PHACTR1: variants seen among roughly 807,000 people sequenced by gnomAD.
PHACTR1 encodes the protein RPEL repeat containing 1.
Under a neutral mutation model 69.2 loss-of-function variants are expected in PHACTR1, and 16 were observed. The ratio of observed to expected loss-of-function variants is 0.23; its 90% confidence interval spans 0.16 to 0.35. PHACTR1 has a LOEUF of 0.35. PHACTR1 is among the 10% of genes least tolerant of loss of function. The pLI is 1.00. For missense variants in PHACTR1, 510 were observed against 734.7 expected (o/e 0.69, Z 3.54); for synonymous variants, 312 against 284.5 (o/e 1.10, Z -0.97).
chr6:13,181,571 C>T (rs748023651), intron 6 of PHACTR1, among the ~76,000 whole-genome samples: 18 of 152,188 alleles, frequency 1.2e-4, no homozygotes, highest in Non-Finnish European at 1.6e-4. Context: ...TGTATGGGAG[C>T]CTTTGATCCT....
At chr6:12,844,254 G>A (rs1204550754) in intron 4 of PHACTR1, among the ~76,000 whole-genome samples, 2 of 151,938 alleles carry the variant, frequency 1.3e-5, no homozygotes, top group African/African-American at 4.8e-5. Flanking sequence ...AACGTTAGCC[G>A]AATGTAGCAG....
At chr6:12,980,566 T>C (rs7760857) in intron 4 of PHACTR1, among the ~76,000 whole-genome samples, 70,866 of 151,654 alleles carry the variant, frequency 0.47, 18,120 homozygotes, top group African/African-American at 0.67. Flanking sequence ...GGGGTTAAAA[T>C]TGTGGTGAGT....
chr6:12,801,113 T>C (rs538651836), intron 4 of PHACTR1, among the ~76,000 whole-genome samples: 1 of 152,344 alleles, frequency 6.6e-6, no homozygotes, highest in African/African-American at 2.4e-5. Context: ...TAATGATATG[T>C]GCCTTAAATT....
At chr6:12,903,450 C>T (rs1049078588) in intron 4 of PHACTR1, among the ~76,000 whole-genome samples, 1 of 152,198 alleles carries the variant, frequency 6.6e-6, no homozygotes, top group African/African-American at 2.4e-5. Flanking sequence ...AGAAGCTAAA[C>T]AAATTTCACT....
intron 10 of PHACTR1, among the ~76,000 whole-genome samples, chr6:13,249,001 C>T (rs1410866577): frequency 1.3e-5 from 2 of 152,216 alleles, no homozygotes; most frequent in Admixed American, 6.5e-5. Flanking sequence ...GAAGTTAGGT[C>T]TTCCGTCCTC....
Position 13,050,941 on chromosome 6 carries a change from C to T in PHACTR1, c.251-2424C>T, listed in dbSNP as rs190003211. On this transcript the variant is annotated intron_variant, in intron 4 of 14. Transcript: ENST00000332995. ...CTGAATCCCATCTTTTCTTCCTATC[C>T]TTCTGTCATGCCCCTGCTTGAATCC... Among the ~76,000 whole-genome samples the T allele has an allele frequency of 3.9e-5, 6 of 152,214 alleles. No homozygotes were observed. In the East Asian group the frequency reaches 1.2e-3, roughly 29 times the overall value.
At position 12,921,281 on chromosome 6, in the gene PHACTR1, A is replaced by G. The variant is rs115583723; in HGVS notation, c.251-132084A>G. Among the ~76,000 whole-genome samples, 803 of 152,308 alleles carry G rather than the reference A, an allele frequency of 5.3e-3. 9 individuals are homozygous for G. The highest frequency in any genetic ancestry group is 0.018 in the African/African-American group (767 of 41,570). Reference sequence around the variant, plus strand: ...CTTGACCACTTTGTTAGGAACCAGCACAGGCATTCACACCCAGCTTTCTGG... The same window carrying G: ...CTTGACCACTTTGTTAGGAACCAGCGCAGGCATTCACACCCAGCTTTCTGG... On this transcript the variant is annotated intron_variant, in intron 4 of 14. Coordinates refer to ENST00000332995, the MANE Select transcript of PHACTR1 (RefSeq NM_030948.6).
intron 5 of PHACTR1, among the ~76,000 whole-genome samples, chr6:13,088,729 G>T (rs1812720410): frequency 6.6e-6 from 1 of 152,038 alleles, no homozygotes; most frequent in Non-Finnish European, 1.5e-5. Context: ...CAGCCTTTTG[G>T]ATGTCACAAA....
intron 13 of PHACTR1, among the ~76,000 whole-genome samples, chr6:13,285,137 C>G (rs924861244): frequency 1.3e-5 from 2 of 152,222 alleles, no homozygotes; most frequent in Admixed American, 6.5e-5. Context: ...AAGAAAACCA[C>G]AGACATCTCT....
At position 12,796,580 on chromosome 6, in the gene PHACTR1, G is replaced by A. The variant is rs564189988; in HGVS notation, c.250+46790G>A. On this transcript the variant is annotated intron_variant, in intron 4 of 14. Coordinates refer to ENST00000332995, the MANE Select transcript of PHACTR1 (RefSeq NM_030948.6). ...ATTTCTAATCTTTGATTTTATGGTCGGATTCCCCACATATCTGCTAGGCAT... is the reference window on the plus strand; with the variant it reads ...ATTTCTAATCTTTGATTTTATGGTCAGATTCCCCACATATCTGCTAGGCAT... 1.6e-4 allele frequency among the ~76,000 whole-genome samples: 25 copies of A among 152,208 alleles called. No homozygotes were observed. In the South Asian group the frequency reaches 4.8e-3, roughly 29 times the overall value.
intron 4 of PHACTR1, among the ~76,000 whole-genome samples, chr6:12,952,980 G>A (rs1412405029): frequency 6.6e-6 from 1 of 152,156 alleles, no homozygotes; most frequent in African/African-American, 2.4e-5. Flanking sequence ...TGAATGTCAG[G>A]TCCTGTGACA....
intron 8 of PHACTR1, among the ~76,000 whole-genome samples, chr6:13,219,175 C>T (rs990095025): frequency 7.2e-5 from 11 of 152,146 alleles, no homozygotes; most frequent in Admixed American, 2.6e-4. Flanking sequence ...CCATTTTCCT[C>T]TCAAGCTTTC....
chr6:13,242,473 T>C (rs1357196258), intron 10 of PHACTR1, among the ~76,000 whole-genome samples: 1 of 152,158 alleles, frequency 6.6e-6, no homozygotes, highest in Non-Finnish European at 1.5e-5. Context: ...TTTCCACAAT[T>C]AGCAGTTGGA....
chr6:13,267,445 C>G (rs1348509558), intron 10 of PHACTR1: 1 of 149,566 alleles, frequency 6.7e-6, no homozygotes, highest in Non-Finnish European at 1.5e-5. Flanking sequence ...TGCCTTGTGC[C>G]CAGTGAGCCC....
chr6:12,841,293 C>T (rs1031246416), intron 4 of PHACTR1, among the ~76,000 whole-genome samples: 3 of 152,192 alleles, frequency 2.0e-5, no homozygotes, highest in South Asian at 2.1e-4. Context: ...AATGTGTTGT[C>T]TCTTCCTTTT....
chr6:12,908,207 T>A (rs1434963953), intron 4 of PHACTR1, among the ~76,000 whole-genome samples: 3 of 152,216 alleles, frequency 2.0e-5, no homozygotes, highest in Admixed American at 2.0e-4. Flanking sequence ...TCCTTTCTCA[T>A]AGGACAACCC....
chr6:13,179,809 G>A lies in PHACTR1; in HGVS notation c.497-2710G>A, dbSNP rs572555649. Among the ~76,000 whole-genome samples the A allele has an allele frequency of 6.6e-6, 1 of 152,212 alleles. No homozygotes were observed. The highest frequency in any genetic ancestry group is 2.4e-5 in the African/African-American group (1 of 41,534). On this transcript the variant is annotated intron_variant, in intron 6 of 14. Coordinates refer to ENST00000332995, the MANE Select transcript of PHACTR1 (RefSeq NM_030948.6). This position sits in a 1 kb window ranked among gnomAD's most constrained non-coding sequence, Gnocchi z 4.2. Reference sequence around the variant, plus strand: ...TGCCAAAAGCTAAAATATGTGTATGGTCTGTACATTTCTTCTAATTGTGTA... The same window carrying A: ...TGCCAAAAGCTAAAATATGTGTATGATCTGTACATTTCTTCTAATTGTGTA...
At chr6:13,032,245 T>C (rs1337073697) in intron 4 of PHACTR1, among the ~76,000 whole-genome samples, 1 of 152,244 alleles carries the variant, frequency 6.6e-6, no homozygotes, top group African/African-American at 2.4e-5. Flanking sequence ...TGAAAAATAA[T>C]TGTGGCCCAT....
intron 4 of PHACTR1, among the ~76,000 whole-genome samples, chr6:12,894,955 CAT>C (rs1276568890): frequency 1.3e-5 from 2 of 152,056 alleles, no homozygotes; most frequent in African/African-American, 2.4e-5. Context: ...CTCTTTAAAA[CAT>C]GTGAATATCT....
Sources: gnomAD v4.1 joint callset for allele counts (sites outside exome capture counted in the v4.1 genomes callset) on GRCh38, gnomAD v4.1.1 for gene constraint, Gnocchi (gnomAD v3.1) non-coding constraint, MANE v1.5 for transcripts, NCBI Gene and HGNC (gene_info 2026-07-23, HGNC 2026-07-21) for gene names.